Variants in DOCK10 observed in about 807,000 individuals in gnomAD.
The protein encoded by DOCK10 is dedicator of cytokinesis 10.
In DOCK10, 145 loss-of-function variants were observed where a neutral mutation model predicts 280.1. The observed-to-expected ratio is 0.52, with a 90% CI of 0.45 to 0.59. The LOEUF is 0.59. Ranked by LOEUF, DOCK10 falls within the 20% of genes least tolerant of loss-of-function variation. The pLI is 0.00. For missense variants in DOCK10, 2,368 were observed against 2,651.7 expected (o/e 0.89, Z 2.35); for synonymous variants, 915 against 942.2 (o/e 0.97, Z 0.53).
At chr2:224,886,262 C>G in intron 5 of DOCK10, 77 bp from the exon 6 acceptor site, 1 of 1,570,120 alleles carries the variant, frequency 6.4e-7, no homozygotes. Flanking sequence ...AAAAAAGAGA[C>G]TCCTCTTCCT....
Position 224,970,205 on chromosome 2 carries a change from T to G in DOCK10, c.124-38537A>C, listed in dbSNP as rs1369452583. On this transcript the variant is annotated intron_variant, in intron 1 of 55. Transcript: ENST00000258390. The surrounding 1 kb of genome is among the most constrained non-coding windows in gnomAD (Gnocchi z 4.6). ...TGTTTCTACTTGTAGAAGTAATTAC[T>G]TAAATTTCTATGATGCAGGTGGGCA... Among the ~76,000 whole-genome samples, 1 of 152,232 alleles carries G rather than the reference T, an allele frequency of 6.6e-6. No individual in the cohort carries two copies. The highest frequency in any genetic ancestry group is 2.4e-5 in the African/African-American group (1 of 41,464).
rs74674172 is a variant in DOCK10, at chr2:224,946,065, C to T, written c.124-14397G>A. Reference sequence around the variant, plus strand: ...AAAATAAGCTACCCAGGAATATTGCCGCAACCATTTAACATACAAAGTGGG... The same window carrying T: ...AAAATAAGCTACCCAGGAATATTGCTGCAACCATTTAACATACAAAGTGGG... On this transcript the variant is annotated intron_variant, in intron 1 of 55. Transcript: ENST00000258390. 7.2e-3 allele frequency among the ~76,000 whole-genome samples: 1,097 copies of T among 152,216 alleles called. 14 individuals carry two copies. The highest frequency in any genetic ancestry group is 0.024 in the African/African-American group (996 of 41,532).
intron 3 of DOCK10, among the ~76,000 whole-genome samples, chr2:224,916,143 C>G (rs185466002): frequency 6.6e-6 from 1 of 152,344 alleles, no homozygotes; most frequent in African/African-American, 2.4e-5. Flanking sequence ...TGCCTGTAAT[C>G]CCAGCACTTT....
At chr2:224,957,317 G>T (rs1367369865) in intron 1 of DOCK10, among the ~76,000 whole-genome samples, 1 of 149,952 alleles carries the variant, frequency 6.7e-6, no homozygotes, top group South Asian at 2.1e-4. Flanking sequence ...CGGAGATGGG[G>T]TCTCACTCTG....
At chr2:224,822,666 T>G (rs1247679962) in intron 28 of DOCK10, among the ~76,000 whole-genome samples, 2 of 152,106 alleles carry the variant, frequency 1.3e-5, no homozygotes, top group Non-Finnish European at 2.9e-5. Flanking sequence ...TGAGTTGTGA[T>G]CATGCCAGTG....
chr2:224,874,609 G>T, intron 9 of DOCK10, 57 bp downstream of exon 9: 1 of 1,485,658 alleles, frequency 6.7e-7, no homozygotes, highest in Non-Finnish European at 9.4e-7. Flanking sequence ...TTCCATGAAA[G>T]CAATAACTAA....
At chr2:225,016,789 G>A (rs1286688803) in intron 1 of DOCK10, among the ~76,000 whole-genome samples, 1 of 151,130 alleles carries the variant, frequency 6.6e-6, no homozygotes, top group Non-Finnish European at 1.5e-5. Context: ...TGCAACCTCC[G>A]CCTCCCGTGT....
At chr2:224,779,289 C>T (rs370508357) in intron 50 of DOCK10, among the ~76,000 whole-genome samples, 17 of 150,906 alleles carry the variant, frequency 1.1e-4, no homozygotes, top group African/African-American at 4.1e-4. Context: ...GACCTTGGCT[C>T]ACTGCAACCT....
intron 1 of DOCK10, among the ~76,000 whole-genome samples, chr2:225,009,326 A>C (rs1689367543): frequency 6.6e-6 from 1 of 152,248 alleles, no homozygotes; most frequent in Admixed American, 6.5e-5. Flanking sequence ...GGTGATATTA[A>C]GTTCTATAAC....
intron 2 of DOCK10, among the ~76,000 whole-genome samples, chr2:224,921,518 T>C (rs986107652): frequency 2.0e-5 from 3 of 151,944 alleles, no homozygotes; most frequent in African/African-American, 4.8e-5. Context: ...TGCGAATTAA[T>C]TCAGGCCGAG....
intron 47 of DOCK10, among the ~76,000 whole-genome samples, chr2:224,790,520 C>T (rs1396322910): frequency 6.6e-6 from 1 of 152,144 alleles, no homozygotes; most frequent in Non-Finnish European, 1.5e-5. Context: ...TTTTAATAAT[C>T]AGCTCATTGG....
intron 14 of DOCK10, among the ~76,000 whole-genome samples, chr2:224,858,179 C>T (rs1697268422): frequency 2.6e-5 from 4 of 152,128 alleles, no homozygotes; most frequent in African/African-American, 9.7e-5. Context: ...TGAACAATAG[C>T]TTTTTAATTA....
chr2:224,775,473 A>ATAT (rs3083072), intron 51 of DOCK10, among the ~76,000 whole-genome samples: 105,217 of 150,180 alleles, frequency 0.7, 37,764 homozygotes, highest in Middle Eastern at 0.83. Context: ...CATTTTATTT[A>ATAT]TATTATTATT....
At chr2:224,914,672 T>C (rs1253654054) in intron 3 of DOCK10, among the ~76,000 whole-genome samples, 1 of 152,126 alleles carries the variant, frequency 6.6e-6, no homozygotes, top group African/African-American at 2.4e-5. Context: ...AAACACCATC[T>C]TTCATAAAGG....
Position 224,879,792 on chromosome 2 carries a change from A to C in DOCK10, c.748-3571T>G, listed in dbSNP as rs116474129. The stretch of plus-strand genomic sequence containing the variant: ...AAAAAAAATTAAAAAAGAAAGAAAT[A>C]GACACTCATAAAAGAACTGTAAATG... On this transcript the variant is annotated intron_variant, in intron 7 of 55. Coordinates refer to ENST00000258390, the MANE Select transcript of DOCK10 (RefSeq NM_014689.3). Among the ~76,000 whole-genome samples the C allele has an allele frequency of 1.2e-3, 181 of 152,214 alleles. 1 individual carries two copies. The highest frequency in any genetic ancestry group is 4.0e-3 in the African/African-American group (167 of 41,552).
chr2:225,034,906 T>A (rs941487339), intron 1 of DOCK10, among the ~76,000 whole-genome samples: 2 of 152,136 alleles, frequency 1.3e-5, no homozygotes, highest in African/African-American at 4.8e-5. Context: ...AACACATCTT[T>A]AGGGTATGAA....
intron 27 of DOCK10, among the ~76,000 whole-genome samples, chr2:224,825,441 C>A (rs778351336): frequency 4.6e-5 from 7 of 152,200 alleles, no homozygotes; most frequent in Non-Finnish European, 8.8e-5. Flanking sequence ...TTTTTAAATT[C>A]TCTTCCATAA....
chr2:224,863,538 C>T lies in DOCK10; in HGVS notation c.1603-792G>A, dbSNP rs530655547. 3.0e-3 allele frequency among the ~76,000 whole-genome samples: 453 copies of T among 152,176 alleles called. 1 individual carries two copies. The highest frequency in any genetic ancestry group is 0.011 in the African/African-American group (437 of 41,520). ...CAGGATCTTGGCTCACTGCAAGCTC[C>T]GCCTCCCGGGTTCACGCCATTCTCC... On this transcript the variant is annotated intron_variant, in intron 13 of 55. Transcript: ENST00000258390.
intron 26 of DOCK10, among the ~76,000 whole-genome samples, chr2:224,833,876 T>C (rs946219800): frequency 6.6e-6 from 1 of 152,194 alleles, no homozygotes; most frequent in Admixed American, 6.5e-5. Flanking sequence ...GGTCTTGAAC[T>C]CCTGACTTCA....
Sources: allele counts gnomAD v4.1 joint callset (sites outside exome capture counted in the v4.1 genomes callset), GRCh38; gene constraint gnomAD v4.1.1; non-coding constraint Gnocchi (gnomAD v3.1); transcripts MANE v1.5; gene names NCBI Gene and HGNC (gene_info 2026-07-23, HGNC 2026-07-21).